Variants in AGBL4 observed in about 807,000 individuals in gnomAD.
AGBL4 encodes the protein cytosolic carboxypeptidase 6.
AGBL4 carries 58 observed loss-of-function variants against 66.4 expected under a neutral mutation model. The ratio of observed to expected loss-of-function variants is 0.87; its 90% CI spans 0.71 to 1.09. AGBL4 has a LOEUF of 1.09. AGBL4 is among the 50% of genes least tolerant of loss of function. The pLI is 0.00. For synonymous variants in AGBL4, 234 were observed against 222.9 expected (o/e 1.05, Z -0.44); for missense variants, 579 against 631.0 (o/e 0.92, Z 0.88).
chr1:49,315,125 CA>C (rs1645016078), intron 3 of AGBL4, among the ~76,000 whole-genome samples: 2 of 152,086 alleles, frequency 1.3e-5, no homozygotes, highest in Admixed American at 6.6e-5. Flanking sequence ...ACAAACCTGA[CA>C]AAAACAAGCA....
At chr1:49,514,947 T>C (rs1043108481) in intron 3 of AGBL4, among the ~76,000 whole-genome samples, 1 of 152,090 alleles carries the variant, frequency 6.6e-6, no homozygotes, top group Non-Finnish European at 1.5e-5. Flanking sequence ...GAAGAAAACC[T>C]AGGCAATACC....
At chr1:49,076,928 T>C (rs982328422) in intron 4 of AGBL4, among the ~76,000 whole-genome samples, 1 of 152,196 alleles carries the variant, frequency 6.6e-6, no homozygotes, top group Non-Finnish European at 1.5e-5. Flanking sequence ...ATTAGTGCTC[T>C]CTTTGGCCAA....
Position 48,590,856 on chromosome 1 carries a change from G to T in AGBL4, c.1081C>A (p.Gln361Lys), listed in dbSNP as rs1248225331. 1.9e-6 allele frequency: 3 copies of T among 1,603,892 alleles called. No individual in the cohort carries two copies. The African/African-American group carries it at 4.0e-5, about 21-fold the overall frequency. Residue 361 changes from glutamine (Q) to lysine (K), a missense_variant, in exon 10 of 14, where the codon CAG (glutamine) becomes AAG (lysine). Gln to Lys is a moderately conservative substitution (Grantham distance 53). Transcript: ENST00000371839. ...RQAIFPKLLCQNAEDFSYSST... is the reference protein window; with the variant it reads ...RQAIFPKLLCKNAEDFSYSST... The stretch of plus-strand genomic sequence containing the variant: ...ACATAGGAGAAGTCCTCAGCATTCT[G>T]GCAGAGGAGCTTGGGAAAAATGGCC...
intron 6 of AGBL4, among the ~76,000 whole-genome samples, chr1:48,770,126 A>G (rs1644740334): frequency 6.6e-6 from 1 of 152,138 alleles, no homozygotes; most frequent in Admixed American, 6.5e-5. Context: ...ATGCCTGTGA[A>G]TTCCATTCTC....
intron 5 of AGBL4, among the ~76,000 whole-genome samples, chr1:48,870,618 A>AG (rs1648557788): frequency 1.3e-5 from 2 of 152,304 alleles, no homozygotes; most frequent in African/African-American, 4.8e-5. Context: ...GTCTGTAGCC[A>AG]GGAATACTGT....
chr1:48,546,756 T>C (rs1163467474), intron 11 of AGBL4, among the ~76,000 whole-genome samples: 1 of 152,048 alleles, frequency 6.6e-6, no homozygotes, highest in Non-Finnish European at 1.5e-5. Context: ...GTTCAGGCTT[T>C]TTGGAAGGCT....
intron 6 of AGBL4, among the ~76,000 whole-genome samples, chr1:48,853,314 G>T (rs1263235651): frequency 6.6e-6 from 1 of 152,160 alleles, no homozygotes; most frequent in African/African-American, 2.4e-5. Context: ...CCTCATGAGA[G>T]ACCCCAAGCC....
intron 5 of AGBL4, among the ~76,000 whole-genome samples, chr1:48,977,509 G>T (rs1659432742): frequency 6.6e-6 from 1 of 152,030 alleles, no homozygotes; most frequent in East Asian, 1.9e-4. Context: ...CTCAAGGGTG[G>T]AAATGAGATT....
At chr1:49,314,271 T>G (rs1417734383) in intron 3 of AGBL4, among the ~76,000 whole-genome samples, 1 of 152,114 alleles carries the variant, frequency 6.6e-6, no homozygotes, top group South Asian at 2.1e-4. Flanking sequence ...CTGGGATTCA[T>G]GTGCAGAACT....
intron 3 of AGBL4, among the ~76,000 whole-genome samples, chr1:49,689,263 G>T (rs1403749966): frequency 6.6e-6 from 1 of 152,138 alleles, no homozygotes; most frequent in African/African-American, 2.4e-5. Flanking sequence ...GTGAGAAACA[G>T]GAGCCTAGTT....
chr1:49,242,145 T>C (rs1219176050), intron 4 of AGBL4, among the ~76,000 whole-genome samples: 2 of 151,976 alleles, frequency 1.3e-5, no homozygotes, highest in African/African-American at 2.4e-5. Flanking sequence ...CTGTTTATTT[T>C]TGTGTTTCAT....
intron 3 of AGBL4, among the ~76,000 whole-genome samples, chr1:49,543,117 T>G (rs1652195167): frequency 1.3e-5 from 2 of 152,074 alleles, no homozygotes; most frequent in Admixed American, 6.5e-5. Context: ...GCTTTATATG[T>G]CTTGTCCCCT....
intron 3 of AGBL4, among the ~76,000 whole-genome samples, chr1:49,635,143 C>A (rs957494732): frequency 1.2e-4 from 18 of 152,240 alleles, no homozygotes; most frequent in Middle Eastern, 3.4e-3. Flanking sequence ...AACTGAAAGG[C>A]CTCAAACACA....
chr1:48,802,234 A>G (rs1645826067), intron 6 of AGBL4, among the ~76,000 whole-genome samples: 1 of 152,132 alleles, frequency 6.6e-6, no homozygotes, highest in Non-Finnish European at 1.5e-5. Flanking sequence ...CATTCCCAGC[A>G]TGGATTTCTC....
intron 11 of AGBL4, among the ~76,000 whole-genome samples, chr1:48,548,715 T>C (rs527987569): frequency 6.6e-6 from 1 of 152,302 alleles, no homozygotes; most frequent in East Asian, 1.9e-4. Context: ...CATTGAAGGG[T>C]GCTGAGCTCT....
At chr1:48,571,462 G>A (rs1539528) in intron 11 of AGBL4, among the ~76,000 whole-genome samples, 14,867 of 152,284 alleles carry the variant, frequency 0.098, 1,019 homozygotes, top group African/African-American at 0.2. Flanking sequence ...AGACAGCTGC[G>A]TGCTTGCACT....
chr1:49,537,335 A>G (rs1651675383), intron 3 of AGBL4, among the ~76,000 whole-genome samples: 2 of 152,196 alleles, frequency 1.3e-5, no homozygotes, highest in Admixed American at 6.5e-5. Context: ...AGCAAAAGAA[A>G]TAACAGAGTG....
At chr1:49,828,162 T>A (rs1428183306) in intron 2 of AGBL4, among the ~76,000 whole-genome samples, 6 of 152,218 alleles carry the variant, frequency 3.9e-5, no homozygotes, top group Non-Finnish European at 1.5e-5. Flanking sequence ...ATTATCTTTG[T>A]ACCTTCAGTA....
At chr1:49,137,801 C>T (rs1646041395) in intron 4 of AGBL4, among the ~76,000 whole-genome samples, 1 of 152,106 alleles carries the variant, frequency 6.6e-6, no homozygotes, top group South Asian at 2.1e-4. Flanking sequence ...CCAACATCTT[C>T]TCAGACATTT....
Sources: gnomAD v4.1 joint callset for allele counts (sites outside exome capture counted in the v4.1 genomes callset) on GRCh38, gnomAD v4.1.1 for gene constraint, MANE v1.5 for transcripts, NCBI Gene and HGNC (gene_info 2026-07-23, HGNC 2026-07-21) for gene names.